The following OXR1 variants were observed in gnomAD, a reference collection of about 807,000 sequenced individuals.
The protein encoded by OXR1 is oxidation resistance protein 1.
Under a neutral mutation model 104.6 loss-of-function variants are expected in OXR1, and 41 were observed. That is an observed-to-expected ratio of 0.39 (90% CI 0.31 to 0.51). The LOEUF is 0.51. OXR1 is among the 20% of genes least tolerant of loss of function. The pLI, the probability that OXR1 is intolerant of heterozygous loss-of-function variation, is 0.77. For synonymous variants in OXR1, 348 were observed against 348.4 expected (o/e 1.00, Z 0.01); for missense variants, 955 against 1,031.9 (o/e 0.93, Z 1.02).
chr8:106,740,509 A>G lies in OXR1; in HGVS notation c.2316+14A>G, dbSNP rs773900743. 6.2e-7 allele frequency: 1 copy of G among 1,600,598 alleles called. No individual in the cohort carries two copies. The highest frequency in any genetic ancestry group is 2.2e-5 in the East Asian group (1 of 44,604). On this transcript the variant is annotated intron_variant, in intron 14 of 16. Transcript: ENST00000517566. Reference sequence around the variant, plus strand: ...AGTGATGGACAGGTATGAAACACCAACTGCATAGATTGCTTATCCTTTAAG... The same window carrying G: ...AGTGATGGACAGGTATGAAACACCAGCTGCATAGATTGCTTATCCTTTAAG...
intron 2 of OXR1, among the ~76,000 whole-genome samples, chr8:106,401,161 T>C (rs1419569776): frequency 6.6e-6 from 1 of 152,154 alleles, no homozygotes; most frequent in Non-Finnish European, 1.5e-5. Flanking sequence ...CATCTGGCCA[T>C]TTCTCCTTCA....
At chr8:106,656,679 ACT>A (rs1324628247) in intron 3 of OXR1, among the ~76,000 whole-genome samples, 1 of 151,902 alleles carries the variant, frequency 6.6e-6, no homozygotes, top group Admixed American at 6.5e-5. Context: ...CGAATTAGAC[ACT>A]CTGAGGATGC....
intron 2 of OXR1, among the ~76,000 whole-genome samples, chr8:106,377,096 G>A (rs1361654030): frequency 6.6e-6 from 1 of 152,128 alleles, no homozygotes; most frequent in Non-Finnish European, 1.5e-5. Context: ...AAAAAGGGGG[G>A]AGAACTACAG....
intron 2 of OXR1, among the ~76,000 whole-genome samples, chr8:106,379,838 C>T (rs1161300519): frequency 3.9e-5 from 6 of 152,012 alleles, no homozygotes; most frequent in East Asian, 1.9e-4. Flanking sequence ...CTACCAAACC[C>T]GGTCCAAACC....
intron 1 of OXR1, among the ~76,000 whole-genome samples, chr8:106,345,069 T>G (rs1371761750): frequency 6.6e-6 from 1 of 152,238 alleles, no homozygotes; most frequent in Non-Finnish European, 1.5e-5. Flanking sequence ...TGTGTTTCTG[T>G]ATTTATGTTT....
chr8:106,341,390 CATAT>C (rs138432601), intron 1 of OXR1, among the ~76,000 whole-genome samples: 2 of 145,958 alleles, frequency 1.4e-5, no homozygotes, highest in East Asian at 2.0e-4. Context: ...AGTCAATCTA[CATAT>C]ATATATATAT....
At chr8:106,483,359 C>T (rs1822255396) in intron 2 of OXR1, among the ~76,000 whole-genome samples, 1 of 151,682 alleles carries the variant, frequency 6.6e-6, no homozygotes, top group Non-Finnish European at 1.5e-5. Context: ...GAAAGTATTT[C>T]CTGATAATGT....
chr8:106,369,086 T>A (rs756236380), intron 2 of OXR1, among the ~76,000 whole-genome samples: 4 of 152,212 alleles, frequency 2.6e-5, no homozygotes, highest in Non-Finnish European at 5.9e-5. Flanking sequence ...TTTTTAATAA[T>A]CACCATTCTG....
At chr8:106,389,771 T>C (rs1563750635) in intron 2 of OXR1, among the ~76,000 whole-genome samples, 1 of 152,178 alleles carries the variant, frequency 6.6e-6, no homozygotes, top group Non-Finnish European at 1.5e-5. Flanking sequence ...GGATTTTAAA[T>C]TTATCCATCA....
At chr8:106,524,268 A>G (rs756589414) in intron 3 of OXR1, among the ~76,000 whole-genome samples, 1 of 152,232 alleles carries the variant, frequency 6.6e-6, no homozygotes, top group African/African-American at 2.4e-5. Flanking sequence ...AGAACTACAT[A>G]TAAGGACTTC....
chr8:106,277,381 A>C (rs925373869), intron 1 of OXR1, among the ~76,000 whole-genome samples: 2 of 152,180 alleles, frequency 1.3e-5, no homozygotes, highest in African/African-American at 4.8e-5. Context: ...TGACATAAGC[A>C]AGTAAAGATG....
intron 1 of OXR1, among the ~76,000 whole-genome samples, chr8:106,331,281 A>G (rs2130226044): frequency 6.6e-6 from 1 of 152,338 alleles, no homozygotes; most frequent in Non-Finnish European, 1.5e-5. Context: ...TTTTAAATTA[A>G]CTTTATGCAA....
At chr8:106,465,763 A>G (rs978861511) in intron 2 of OXR1, among the ~76,000 whole-genome samples, 3 of 151,994 alleles carry the variant, frequency 2.0e-5, no homozygotes, top group African/African-American at 7.2e-5. Flanking sequence ...ATGACCTGTC[A>G]ACATCCTTTC....
intron 3 of OXR1, among the ~76,000 whole-genome samples, chr8:106,532,473 G>T (rs1185034611): frequency 6.6e-6 from 1 of 152,128 alleles, no homozygotes; most frequent in African/African-American, 2.4e-5. Flanking sequence ...GTATTACTCA[G>T]ATTTGTAATA....
intron 2 of OXR1, among the ~76,000 whole-genome samples, chr8:106,420,528 A>G (rs566518110): frequency 2.0e-5 from 3 of 152,062 alleles, no homozygotes; most frequent in East Asian, 1.9e-4. Flanking sequence ...AAACTCCCAA[A>G]TCTGTATACT....
chr8:106,713,844 C>A lies in OXR1; in HGVS notation c.1815C>A (p.Phe605Leu). ...PQERTDHLYA[F>L]FIQWSPEIYA... ...ACAGGACAGATCACTTGTATGCCTT[C>A]TTCATTCAGTGGAGTCCAGAAATAT... The change falls in exon 11 of 17, where the codon TTC becomes TTA. Residue 605 changes from phenylalanine (F) to leucine (L), a missense_variant. Physicochemically the swap from Phe to Leu is conservative, Grantham distance 22 (BLOSUM62 0). Around this residue, in one of 2 missense-constraint regions of OXR1, gnomAD observed 849 missense variants for 852.9 expected, o/e 1.00. Coordinates refer to ENST00000517566, the MANE Select transcript of OXR1 (RefSeq NM_001198533.2). 1 of 1,570,722 alleles carries A rather than the reference C, an allele frequency of 6.4e-7. No homozygotes were observed. Among genetic ancestry groups the A allele is most frequent in the Non-Finnish European group, 8.6e-7 (1 of 1,166,712 alleles).
At chr8:106,497,012 C>T (rs1254585198) in intron 2 of OXR1, among the ~76,000 whole-genome samples, 5 of 152,050 alleles carry the variant, frequency 3.3e-5, no homozygotes, top group African/African-American at 7.2e-5. Flanking sequence ...ATTCTGGGCA[C>T]GGGAGGAAAG....
chr8:106,506,602 C>T (rs1294307023), intron 2 of OXR1, among the ~76,000 whole-genome samples: 1 of 151,362 alleles, frequency 6.6e-6, no homozygotes, highest in South Asian at 2.1e-4. Flanking sequence ...CAGAGCGAGA[C>T]TCCATCTCAA....
At chr8:106,357,767 A>G (rs1816038899) in intron 1 of OXR1, among the ~76,000 whole-genome samples, 1 of 152,176 alleles carries the variant, frequency 6.6e-6, no homozygotes, top group Non-Finnish European at 1.5e-5. Context: ...TTATAAATAT[A>G]AAATGTAAAA....
Sources: allele counts gnomAD v4.1 joint callset (sites outside exome capture counted in the v4.1 genomes callset), GRCh38; gene constraint gnomAD v4.1.1; regional missense constraint gnomAD v4.1.1; transcripts MANE v1.5; gene names NCBI Gene and HGNC (gene_info 2026-07-23, HGNC 2026-07-21).